RBFOX1: variants seen among roughly 807,000 people sequenced by gnomAD.
RBFOX1 encodes RNA binding protein fox-1 homolog 1.
RBFOX1 carries 8 observed loss-of-function variants against 57.7 expected under a neutral mutation model. The ratio of observed to expected loss-of-function variants is 0.14; its 90% CI spans 0.08 to 0.25. The LOEUF is 0.25. Among genes scored for constraint, RBFOX1 ranks in the 10% least tolerant of loss-of-function variants. The probability of loss-of-function intolerance (pLI) is 1.00; values close to 1 mark genes in which losing one functional copy is unlikely to be tolerated. For synonymous variants in RBFOX1, 326 were observed against 222.4 expected (o/e 1.47, Z -4.15); for missense variants, 611 against 548.5 (o/e 1.11, Z -1.14).
chr16:5,954,764 C>T (rs2059589873), intron 4 of RBFOX1, among the ~76,000 whole-genome samples: 1 of 152,148 alleles, frequency 6.6e-6, no homozygotes, highest in African/African-American at 2.4e-5. Flanking sequence ...GCAGAGGCTA[C>T]ATTTAAAATG....
At chr16:6,210,383 A>AAAAG (rs1567684632) in intron 1 of RBFOX1, among the ~76,000 whole-genome samples, 1 of 144,510 alleles carries the variant, frequency 6.9e-6, no homozygotes, top group Admixed American at 7.0e-5. Flanking sequence ...AAAAAAGAGA[A>AAAAG]AGGAAGGAAG....
At chr16:6,922,638 C>T (rs941897006) in intron 3 of RBFOX1, among the ~76,000 whole-genome samples, 2 of 152,094 alleles carry the variant, frequency 1.3e-5, no homozygotes, top group Admixed American at 6.5e-5. Flanking sequence ...GTGAAATGTG[C>T]AGCCACCTGT....
Position 6,257,980 on chromosome 16 carries a change from G to A in RBFOX1, c.-126-59015G>A, listed in dbSNP as rs149605672. ...GAGTCAGATGGTAGTTCTCTTTTTTGGTCTTTGAGGAATCGCCACACTGCC... is the reference window on the plus strand; with the variant it reads ...GAGTCAGATGGTAGTTCTCTTTTTTAGTCTTTGAGGAATCGCCACACTGCC... On this transcript the variant is annotated intron_variant, in intron 1 of 15. Coordinates refer to ENST00000550418, the MANE Select transcript of RBFOX1 (RefSeq NM_018723.4). 2.3e-3 allele frequency among the ~76,000 whole-genome samples: 357 copies of A among 151,990 alleles called. 3 individuals are homozygous for A. The highest frequency in any genetic ancestry group is 7.8e-3 in the African/African-American group (325 of 41,478).
intron 1 of RBFOX1, among the ~76,000 whole-genome samples, chr16:5,450,514 G>A (rs1036193790): frequency 2.0e-5 from 3 of 152,270 alleles, no homozygotes; most frequent in Middle Eastern, 3.4e-3. Context: ...GGCCTCTCTG[G>A]CATCAAAAGG....
At chr16:6,438,964 A>G (rs1448633842) in intron 2 of RBFOX1, among the ~76,000 whole-genome samples, 1 of 152,132 alleles carries the variant, frequency 6.6e-6, no homozygotes, top group Non-Finnish European at 1.5e-5. Flanking sequence ...TTCCTTTTGC[A>G]TTGTCACTGC....
rs1319592828 is a variant in RBFOX1, at chr16:7,057,741, C to G, written c.27+5643C>G. 3.3e-5 allele frequency among the ~76,000 whole-genome samples: 5 copies of G among 152,278 alleles called. No individual in the cohort carries two copies. In the East Asian group the frequency reaches 5.8e-4, roughly 18 times the overall value. On this transcript the variant is annotated intron_variant, in intron 4 of 15. Transcript: ENST00000550418. ...ACACCATAGATGCCGGGTGCAGTGA[C>G]TCACACCTGTCATCCCAGCACTTTG...
chr16:6,053,149 C>T (rs1215198101), intron 1 of RBFOX1, among the ~76,000 whole-genome samples: 1 of 152,098 alleles, frequency 6.6e-6, no homozygotes, highest in Non-Finnish European at 1.5e-5. Context: ...GTGAGGCCTC[C>T]GCTATTATTT....
At chr16:7,495,503 A>C (rs2068324199) in intron 4 of RBFOX1, among the ~76,000 whole-genome samples, 1 of 152,140 alleles carries the variant, frequency 6.6e-6, no homozygotes, top group South Asian at 2.1e-4. Context: ...CTTTTTACTA[A>C]TAGGCATTTT....
At chr16:7,009,451 C>T (rs1028208668) in intron 3 of RBFOX1, among the ~76,000 whole-genome samples, 1 of 151,892 alleles carries the variant, frequency 6.6e-6, no homozygotes, top group African/African-American at 2.4e-5. Flanking sequence ...ATCACTAACA[C>T]ACGGCCATAG....
At chr16:5,596,226 G>A (rs543066778) in intron 2 of RBFOX1, among the ~76,000 whole-genome samples, 1 of 152,166 alleles carries the variant, frequency 6.6e-6, no homozygotes, top group South Asian at 2.1e-4. Context: ...GATCATACTC[G>A]AGTGTGAGTC....
At chr16:6,896,623 G>A (rs942134855) in intron 3 of RBFOX1, among the ~76,000 whole-genome samples, 7 of 152,236 alleles carry the variant, frequency 4.6e-5, no homozygotes, top group South Asian at 4.1e-4. Flanking sequence ...TGTAATCTGC[G>A]GACGGTATTT....
intron 3 of RBFOX1, among the ~76,000 whole-genome samples, chr16:6,837,817 A>C (rs766731875): frequency 6.6e-6 from 1 of 152,174 alleles, no homozygotes; most frequent in African/African-American, 2.4e-5. Context: ...GTAATGAGGT[A>C]GCACTTGGGA....
intron 1 of RBFOX1, among the ~76,000 whole-genome samples, chr16:6,235,464 G>A (rs551653648): frequency 6.6e-6 from 1 of 152,116 alleles, no homozygotes; most frequent in East Asian, 1.9e-4. Context: ...CCTGTCTATA[G>A]CAGCACAATT....
intron 3 of RBFOX1, among the ~76,000 whole-genome samples, chr16:6,903,180 A>G (rs1159407705): frequency 6.6e-6 from 1 of 152,176 alleles, no homozygotes; most frequent in African/African-American, 2.4e-5. Flanking sequence ...AGATGGCAGG[A>G]CAGCCATATA....
At position 7,220,254 on chromosome 16, in the gene RBFOX1, T is replaced by A. The variant is rs75013329; in HGVS notation, c.27+168156T>A. ...AGAGAAGGATAATTCAATATAGTAC[T>A]CGTCAGTGGGCGTCTGGTCCTGCCC... On this transcript the variant is annotated intron_variant, in intron 4 of 15. Coordinates refer to ENST00000550418, the MANE Select transcript of RBFOX1 (RefSeq NM_018723.4). Among the ~76,000 whole-genome samples the A allele has an allele frequency of 1.2e-4, 19 of 152,180 alleles. 1 individual carries two copies. In the Middle Eastern group the frequency reaches 0.01, roughly 82 times the overall value.
intron 1 of RBFOX1, among the ~76,000 whole-genome samples, chr16:6,033,288 A>G (rs1005144488): frequency 2.0e-5 from 3 of 152,202 alleles, no homozygotes; most frequent in African/African-American, 7.2e-5. Context: ...GGAATGATGT[A>G]TGTTACAGGG....
intron 13 of RBFOX1, 56 bp from the exon 14 acceptor site, chr16:7,676,718 C>G: frequency 6.9e-7 from 1 of 1,443,474 alleles, no homozygotes; most frequent in Non-Finnish European, 9.7e-7. Flanking sequence ...TGCCACTGGG[C>G]ATCCCTGCAT....
rs370206336 is a variant in RBFOX1, at chr16:5,395,892, C to T, written c.220-71324C>T. 1.4e-3 allele frequency among the ~76,000 whole-genome samples: 218 copies of T among 152,304 alleles called. 6 individuals are homozygous for T. In the South Asian group the frequency reaches 0.041, roughly 29 times the overall value. The stretch of plus-strand genomic sequence containing the variant: ...GTGGTCTCCAGAAAGAAACTGAAGC[C>T]GTTGGTCCTGCAGCCACCAGGAAAT... On this transcript the variant is annotated intron_variant, in intron 1 of 2. Transcript: ENST00000585867.
intron 3 of RBFOX1, among the ~76,000 whole-genome samples, chr16:5,757,600 T>C (rs2053446488): frequency 6.6e-6 from 1 of 152,112 alleles, no homozygotes; most frequent in Non-Finnish European, 1.5e-5. Context: ...TGGTTATAAC[T>C]CAGCCACAGA....
Sources: gnomAD v4.1 joint callset for allele counts (sites outside exome capture counted in the v4.1 genomes callset) on GRCh38, gnomAD v4.1.1 for gene constraint, MANE v1.5 for transcripts, NCBI Gene and HGNC (gene_info 2026-07-23, HGNC 2026-07-21) for gene names.